The following CSMD1 variants were observed in gnomAD, a reference collection of about 807,000 sequenced individuals.
CSMD1 encodes CUB and Sushi multiple domains 1.
CSMD1 carries 213 observed loss-of-function variants against 417.5 expected under a neutral mutation model. The ratio of observed to expected loss-of-function variants is 0.51; its 90% CI spans 0.46 to 0.57. The LOEUF (loss-of-function observed/expected upper bound fraction) is 0.57, where lower values mean the gene tolerates loss of function less well. Ranked by LOEUF, CSMD1 falls within the 20% of genes least tolerant of loss-of-function variation. The probability of loss-of-function intolerance (pLI) is 0.00; values close to 1 mark genes in which losing one functional copy is unlikely to be tolerated. For missense variants in CSMD1, 6,923 were observed against 4,529.7 expected, an observed-to-expected ratio of 1.53 and a Z score of -15.17; for synonymous variants, 2,862 against 1,736.8, an observed-to-expected ratio of 1.65 and a Z score of -16.11.
intron 1 of CSMD1, among the ~76,000 whole-genome samples, chr8:4,851,700 C>T (rs969225655): frequency 2.6e-5 from 4 of 152,126 alleles, no homozygotes; most frequent in Admixed American, 6.5e-5. Context: ...TGTGTGGCAT[C>T]GGCAATCACC....
intron 8 of CSMD1, among the ~76,000 whole-genome samples, chr8:3,613,019 T>C (rs1171285418): frequency 2.6e-5 from 4 of 152,120 alleles, no homozygotes; most frequent in African/African-American, 2.4e-5. Flanking sequence ...TTCAATAATA[T>C]TGACATGTTA....
intron 2 of CSMD1, among the ~76,000 whole-genome samples, chr8:4,512,664 TTAAATA>T (rs1802885712): frequency 6.6e-6 from 1 of 151,976 alleles, no homozygotes; most frequent in African/African-American, 2.4e-5. Context: ...GAATTCAAAA[TTAAATA>T]TAATAATACC....
At chr8:3,392,683 C>T (rs1400782050) in intron 17 of CSMD1, among the ~76,000 whole-genome samples, 5 of 152,014 alleles carry the variant, frequency 3.3e-5, no homozygotes, top group Non-Finnish European at 7.4e-5. Context: ...ATCATGAGTT[C>T]CCTGAATCAC....
chr8:4,281,513 T>C (rs2128859907), intron 3 of CSMD1, among the ~76,000 whole-genome samples: 1 of 152,344 alleles, frequency 6.6e-6, no homozygotes, highest in Middle Eastern at 3.4e-3. Context: ...TGAAATATCT[T>C]ATGCATTGAA....
At chr8:4,912,073 G>C (rs1291025267) in intron 1 of CSMD1, among the ~76,000 whole-genome samples, 1 of 130,020 alleles carries the variant, frequency 7.7e-6, no homozygotes, top group African/African-American at 2.9e-5. Context: ...CTAAATCCCA[G>C]TTCTTTCCAA....
chr8:4,628,573 T>C (rs1272735303), intron 2 of CSMD1, among the ~76,000 whole-genome samples: 1 of 149,598 alleles, frequency 6.7e-6, no homozygotes, highest in Non-Finnish European at 1.5e-5. Flanking sequence ...AGTGTAAGAA[T>C]TTCAAGGACA....
At chr8:3,661,814 T>A (rs571934554) in intron 7 of CSMD1, among the ~76,000 whole-genome samples, 3 of 152,230 alleles carry the variant, frequency 2.0e-5, no homozygotes, top group South Asian at 4.1e-4. Flanking sequence ...TTAAATTTAA[T>A]TCAGATGAAG....
intron 3 of CSMD1, among the ~76,000 whole-genome samples, chr8:4,312,282 T>A (rs1798656590): frequency 6.6e-6 from 1 of 151,668 alleles, no homozygotes; most frequent in South Asian, 2.1e-4. Context: ...AGCATTGATG[T>A]ATACTCATAT....
rs73660610 is a variant in CSMD1 at position 3,201,490 on chromosome 8, C to A, written c.5098+122G>T. On this transcript the variant is annotated intron_variant, in intron 32 of 69. Transcript: ENST00000635120. ...AAAATAAGATTTTTCTAAGCACACACGCAAATTCAAAAATGATTACATTTC... is the reference window on the plus strand; with the variant it reads ...AAAATAAGATTTTTCTAAGCACACAAGCAAATTCAAAAATGATTACATTTC... The A allele has an allele frequency of 8.3e-3, 4,156 of 500,066 alleles. 132 individuals carry two copies. Among genetic ancestry groups the A allele is most frequent in the African/African-American group, 0.073 (3,710 of 50,824 alleles). The allele number at this position is 500,066 out of a possible 1,614,324, so 31.0% of individuals were successfully genotyped here. A position where few individuals can be genotyped will look rare whatever the true frequency, so the allele number is the denominator to read the frequency against.
intron 25 of CSMD1, among the ~76,000 whole-genome samples, chr8:3,285,837 T>A (rs60611287): frequency 0.013 from 1,938 of 151,086 alleles, 40 homozygotes; most frequent in African/African-American, 0.044. Flanking sequence ...ATATATATAT[T>A]TTATTATTAT....
At chr8:4,311,837 A>G (rs1444082503) in intron 3 of CSMD1, among the ~76,000 whole-genome samples, 3 of 151,998 alleles carry the variant, frequency 2.0e-5, no homozygotes, top group Admixed American at 2.0e-4. Context: ...GAAGGAGAGG[A>G]GCGGAAAAGA....
intron 2 of CSMD1, among the ~76,000 whole-genome samples, chr8:4,441,948 A>G (rs996528336): frequency 6.6e-5 from 10 of 152,210 alleles, no homozygotes; most frequent in Non-Finnish European, 1.5e-4. Context: ...CATTGTACTG[A>G]GAAACTCAGG....
At chr8:3,853,302 A>G (rs958243797) in intron 5 of CSMD1, among the ~76,000 whole-genome samples, 1 of 152,106 alleles carries the variant, frequency 6.6e-6, no homozygotes, top group Non-Finnish European at 1.5e-5. Context: ...ACCCTGATCA[A>G]TTTTTCTTCT....
intron 7 of CSMD1, among the ~76,000 whole-genome samples, chr8:3,696,684 C>A (rs1310546600): frequency 1.3e-5 from 2 of 152,122 alleles, no homozygotes; most frequent in East Asian, 1.9e-4. Flanking sequence ...GATAAGACAA[C>A]AGTCAGTAAG....
chr8:3,404,135 A>T (rs1161529), intron 15 of CSMD1, among the ~76,000 whole-genome samples: 1 of 151,944 alleles, frequency 6.6e-6, no homozygotes, highest in Non-Finnish European at 1.5e-5. Context: ...GGAGTTTGAG[A>T]CCAGCCTGGC....
At chr8:4,413,366 C>T (rs972696159) in intron 3 of CSMD1, among the ~76,000 whole-genome samples, 7 of 152,244 alleles carry the variant, frequency 4.6e-5, no homozygotes, top group Middle Eastern at 3.4e-3. Context: ...TTTTATCCGA[C>T]ACATTAGAAG....
intron 51 of CSMD1, among the ~76,000 whole-genome samples, chr8:3,027,594 C>A (rs1468579697): frequency 1.3e-5 from 2 of 152,166 alleles, no homozygotes; most frequent in African/African-American, 2.4e-5. Flanking sequence ...GGACAAATAG[C>A]AAAGTGTGAT....
intron 50 of CSMD1, among the ~76,000 whole-genome samples, chr8:3,040,314 A>G (rs888583391): frequency 6.6e-6 from 1 of 151,176 alleles, no homozygotes; most frequent in Non-Finnish European, 1.5e-5. Flanking sequence ...GAGAAGCTTT[A>G]GTTTCTCAAA....
intron 2 of CSMD1, among the ~76,000 whole-genome samples, chr8:4,485,632 G>A (rs1187822745): frequency 6.6e-6 from 1 of 152,040 alleles, no homozygotes; most frequent in African/African-American, 2.4e-5. Context: ...TATTAAAATT[G>A]ATCTTGTATG....
Sources: allele counts gnomAD v4.1 joint callset (sites outside exome capture counted in the v4.1 genomes callset), GRCh38; gene constraint gnomAD v4.1.1; transcripts MANE v1.5; gene names NCBI Gene and HGNC (gene_info 2026-07-23, HGNC 2026-07-21).